DHX33: variants seen among roughly 807,000 people sequenced by gnomAD.
DHX33 encodes the protein DEAH-box helicase 33.
Under a neutral mutation model 72.5 loss-of-function variants are expected in DHX33, and 42 were observed. That is an observed-to-expected ratio of 0.58 (90% CI 0.45 to 0.75). The LOEUF (loss-of-function observed/expected upper bound fraction) is 0.75. Ranked by LOEUF, DHX33 falls within the 30% of genes least tolerant of loss-of-function variation. DHX33 has a pLI of 0.00. For synonymous variants in DHX33, 358 were observed against 366.1 expected, an observed-to-expected ratio of 0.98 and a Z score of 0.25; for missense variants, 842 against 917.5, an observed-to-expected ratio of 0.92 and a Z score of 1.06.
At chr17:5,464,228 G>A (rs1904768567) in intron 1 of DHX33, among the ~76,000 whole-genome samples, 1 of 152,062 alleles carries the variant, frequency 6.6e-6, no homozygotes, top group Non-Finnish European at 1.5e-5. Context: ...TACTCTGAAG[G>A]CTGAGGTGGG....
At chr17:5,466,577 G>A (rs536381853) in intron 1 of DHX33, among the ~76,000 whole-genome samples, 1 of 152,186 alleles carries the variant, frequency 6.6e-6, no homozygotes, top group Non-Finnish European at 1.5e-5. Flanking sequence ...GAGATAGTCT[G>A]TGAAAGTCAT....
intron 4 of DHX33, among the ~76,000 whole-genome samples, chr17:5,458,748 C>G (rs1464849154): frequency 6.6e-6 from 1 of 152,130 alleles, no homozygotes; most frequent in Non-Finnish European, 1.5e-5. Flanking sequence ...AGTTTAGAAA[C>G]ATGAAAGCAA....
At chr17:5,457,469 A>G (rs1904375503) in intron 4 of DHX33, among the ~76,000 whole-genome samples, 1 of 150,674 alleles carries the variant, frequency 6.6e-6, no homozygotes, top group African/African-American at 2.4e-5. Context: ...TTAAAAATAC[A>G]AAAGTTAGCT....
intron 5 of DHX33, 46 bp downstream of exon 5, chr17:5,455,951 T>C: frequency 6.3e-7 from 1 of 1,575,894 alleles, no homozygotes; most frequent in Non-Finnish European, 8.6e-7. Context: ...GGTGGATCCG[T>C]CTGGGTGCCC....
intron 11 of DHX33, among the ~76,000 whole-genome samples, chr17:5,445,254 T>C (rs1033382943): frequency 6.6e-5 from 10 of 152,200 alleles, no homozygotes; most frequent in African/African-American, 2.4e-4. Context: ...AATTTTTGTA[T>C]TTTTAGTAGA....
chr17:5,454,129 A>G, intron 6 of DHX33, 149 bp from the exon 7 acceptor site: 13 of 878,778 alleles, frequency 1.5e-5, no homozygotes, highest in Non-Finnish European at 2.0e-5. Context: ...ACAAAACCAG[A>G]CTGCTCCGCA....
intron 1 of DHX33, among the ~76,000 whole-genome samples, chr17:5,467,747 A>T (rs925547680): frequency 6.6e-6 from 1 of 152,146 alleles, no homozygotes; most frequent in East Asian, 1.9e-4. Context: ...CCACACATAT[A>T]AACATTCCAA....
At chr17:5,465,608 G>A (rs544720354) in intron 1 of DHX33, among the ~76,000 whole-genome samples, 2 of 152,318 alleles carry the variant, frequency 1.3e-5, no homozygotes, top group East Asian at 3.9e-4. Context: ...GACACTCAAA[G>A]GAAATGCTCC....
Position 5,453,914 on chromosome 17 carries a change from C to G in DHX33, c.1214G>C (p.Arg405Thr), listed in dbSNP as rs1373282752. The stretch of plus-strand genomic sequence containing the variant: ...GATGCCACTGTCCTCTCTGCCAGCC[C>G]TCCCTGTGCGCTGCCAAGCCTGCGT... Reference protein sequence around the residue: ...SKTQAWQRTGRAGREDSGICY... With the variant: ...SKTQAWQRTGTAGREDSGICY... Residue 405 changes from arginine (R) to threonine (T), a missense_variant, in exon 7 of 12, where the codon AGG becomes ACG. Physicochemically the swap from Arg to Thr is moderately conservative, Grantham distance 71 (BLOSUM62 -1). Coordinates refer to ENST00000225296, the MANE Select transcript of DHX33 (RefSeq NM_020162.4). The G allele has an allele frequency of 3.1e-6, 5 of 1,614,016 alleles. No individual in the cohort carries two copies. The highest frequency in any genetic ancestry group is 4.2e-6 in the Non-Finnish European group (5 of 1,180,042).
At chr17:5,460,013 AC>A (rs1904507629) in intron 4 of DHX33, among the ~76,000 whole-genome samples, 1 of 134,406 alleles carries the variant, frequency 7.4e-6, no homozygotes, top group African/African-American at 3.0e-5. Context: ...AAGAAAAAGT[AC>A]CTTTTTTTTT....
intron 8 of DHX33, among the ~76,000 whole-genome samples, chr17:5,452,928 T>G (rs1273588473): frequency 6.6e-6 from 1 of 152,156 alleles, no homozygotes; most frequent in Non-Finnish European, 1.5e-5. Flanking sequence ...ACCAATTGCA[T>G]TTCTTAAGAA....
chr17:5,459,732 C>T (rs1904493490), intron 4 of DHX33, among the ~76,000 whole-genome samples: 1 of 151,858 alleles, frequency 6.6e-6, no homozygotes, highest in African/African-American at 2.4e-5. Flanking sequence ...GCCCAGCCAA[C>T]ATTTTCTTTA....
rs1917137499 is a variant in DHX33, at chr17:5,455,254, G to A, written c.1053C>T (p.Ile351=). Residue 351 remains isoleucine, a synonymous_variant, in exon 6 of 12, where the codon ATC becomes ATT. Transcript: ENST00000225296. ...QGAPKGYRKV[I]ISTNIAETSI... is the part of the protein sequence containing the mutation. ...AGGTTTCAGCGATGTTGGTTGAAAT[G>A]ATCACTTTGCGATAGCCCTAAAAGG... 6.2e-7 allele frequency: 1 copy of A among 1,614,132 alleles called. No individual in the cohort carries two copies. The highest frequency in any genetic ancestry group is 8.5e-7 in the Non-Finnish European group (1 of 1,179,994).
intron 3 of DHX33, among the ~76,000 whole-genome samples, chr17:5,462,075 G>A (rs1237553938): frequency 6.6e-6 from 1 of 150,758 alleles, no homozygotes; most frequent in Admixed American, 6.6e-5. Flanking sequence ...AAGTAGCTGG[G>A]ATTACAGATG....
intron 1 of DHX33, 144 bp downstream of exon 1, chr17:5,468,427 G>A (rs975576629): frequency 1.8e-6 from 2 of 1,130,444 alleles, no homozygotes; most frequent in Admixed American, 2.8e-5. Flanking sequence ...TCTTCTTCGA[G>A]GCCCCTCTCC....
rs1917146574 is a variant in DHX33, at chr17:5,455,405, A to G, written c.1036-134T>C. The G allele has an allele frequency of 5.5e-6, 4 of 727,224 alleles. No homozygotes were observed. The Admixed American group carries it at 9.4e-5, about 17-fold the overall frequency. 45.0% of individuals were successfully genotyped at this position (727,224 alleles called of 1,614,324 possible). A position where few individuals can be genotyped will look rare whatever the true frequency, so the allele number is the denominator to read the frequency against. On this transcript the variant is annotated intron_variant, in intron 5 of 11. Coordinates refer to ENST00000225296, the MANE Select transcript of DHX33 (RefSeq NM_020162.4). Reference sequence around the variant, plus strand: ...GATGACTCCATTATTAATGGCAGTCATTAATATTAATGGTTGGTCATTAAA... The same window carrying G: ...GATGACTCCATTATTAATGGCAGTCGTTAATATTAATGGTTGGTCATTAAA...
chr17:5,455,942 G>A, intron 5 of DHX33, 55 bp downstream of exon 5: 1 of 1,553,732 alleles, frequency 6.4e-7, no homozygotes, highest in Non-Finnish European at 8.7e-7. Context: ...GACCTCGCTG[G>A]TGGATCCGTC....
rs1597359986 is a variant in DHX33, at chr17:5,455,636, TCCC to T, written c.1035+358_1035+360del. Among the ~76,000 whole-genome samples, 3 of 152,294 alleles carry T rather than the reference TCCC, an allele frequency of 2.0e-5. No homozygotes were observed. In the East Asian group the frequency reaches 5.8e-4, roughly 29 times the overall value. On this transcript the variant is annotated intron_variant, in intron 5 of 11. Coordinates refer to ENST00000225296, the MANE Select transcript of DHX33 (RefSeq NM_020162.4). ...TGGGATCATAACCTGCCTTGCCGGTTCCCACGAGGATGACAGACAGTGGATATA... is the reference window on the plus strand; with the variant it reads ...TGGGATCATAACCTGCCTTGCCGGTTACGAGGATGACAGACAGTGGATATA...
At chr17:5,451,016 G>C in intron 8 of DHX33, 82 bp from the exon 9 acceptor site, 2 of 1,532,848 alleles carry the variant, frequency 1.3e-6, no homozygotes, top group Non-Finnish European at 1.8e-6. Context: ...GGGAGCTTCT[G>C]ATAATTCTAC....
Sources: allele counts gnomAD v4.1 joint callset (sites outside exome capture counted in the v4.1 genomes callset), GRCh38; gene constraint gnomAD v4.1.1; transcripts MANE v1.5; gene names NCBI Gene and HGNC (gene_info 2026-07-23, HGNC 2026-07-21).